The following PDE1A variants were observed in gnomAD, a reference collection of about 807,000 sequenced individuals.
PDE1A encodes the protein phosphodiesterase 1A, also known as dual specificity calcium/calmodulin-dependent 3',5'-cyclic nucleotide phosphodiesterase 1A.
PDE1A carries 35 observed loss-of-function variants against 61.7 expected under a neutral mutation model. The observed-to-expected ratio is 0.57, with a 90% CI of 0.43 to 0.75. The LOEUF is 0.75. Ranked by LOEUF, PDE1A falls within the 30% of genes least tolerant of loss-of-function variation. The probability of loss-of-function intolerance (pLI) is 0.00; values close to 1 mark genes in which losing one functional copy is unlikely to be tolerated. For synonymous variants in PDE1A, 232 were observed against 213.2 expected (o/e 1.09, Z -0.77); for missense variants, 597 against 630.6 (o/e 0.95, Z 0.57).
At chr2:182,685,947 G>C in the PDE1A span, among the ~76,000 whole-genome samples, 1 of 152,142 alleles carries the variant, frequency 6.6e-6, no homozygotes, top group Non-Finnish European at 1.5e-5. Flanking sequence ...AGTCATTAGA[G>C]CAATCTTAAT....
At chr2:182,204,976 G>A (rs1686976221) in intron 8 of PDE1A, among the ~76,000 whole-genome samples, 1 of 152,008 alleles carries the variant, frequency 6.6e-6, no homozygotes, top group African/African-American at 2.4e-5. Context: ...AGGAGATTTA[G>A]GCTTATTTTA....
chr2:182,644,115 T>A, the PDE1A span, among the ~76,000 whole-genome samples: 1 of 98,162 alleles, frequency 1.0e-5, no homozygotes, highest in Non-Finnish European at 2.3e-5. Flanking sequence ...ATACCTTCTC[T>A]CTAATCAATG....
chr2:182,439,775 T>A (rs565202103), intron 2 of PDE1A, among the ~76,000 whole-genome samples: 4 of 152,190 alleles, frequency 2.6e-5, no homozygotes, highest in South Asian at 4.1e-4. Context: ...ATTGTTTCTA[T>A]GGAAATAAAT....
In PDE1A at chr2:182,333,854, G is replaced by A. The variant is rs566871320; in HGVS notation, c.54-69440C>T. Among the ~76,000 whole-genome samples the A allele has an allele frequency of 7.9e-5, 12 of 152,104 alleles. No individual in the cohort carries two copies. In the South Asian group the frequency reaches 1.5e-3, roughly 18 times the overall value. ...CTAGCCAGACCAATAAAGAAGAAAC[G>A]AGAGAAGAATCAAACAGCCACAATA... On this transcript the variant is annotated intron_variant, in intron 1 of 13. Transcript: ENST00000351439.
chr2:182,711,978 C>CCT, the PDE1A span, among the ~76,000 whole-genome samples: 60 of 152,240 alleles, frequency 3.9e-4, no homozygotes, highest in East Asian at 5.4e-3. Flanking sequence ...CATAGAAAAG[C>CCT]CTCTCAGACA....
chr2:182,296,150 G>A (rs1329820435), intron 1 of PDE1A, among the ~76,000 whole-genome samples: 1 of 152,182 alleles, frequency 6.6e-6, no homozygotes, highest in East Asian at 1.9e-4. Context: ...TAGAGTCCAT[G>A]GAATAAGGCC....
intron 1 of PDE1A, among the ~76,000 whole-genome samples, chr2:182,412,221 T>C (rs1354564554): frequency 6.6e-6 from 1 of 152,214 alleles, no homozygotes; most frequent in Non-Finnish European, 1.5e-5. Context: ...TGCACTTCCC[T>C]GACAACTAAA....
chr2:182,684,520 G>C, the PDE1A span, among the ~76,000 whole-genome samples: 1 of 152,066 alleles, frequency 6.6e-6, no homozygotes. Context: ...TCCTGAAGAA[G>C]AAAATTCTAC....
chr2:182,432,342 C>T (rs116795655), intron 2 of PDE1A, among the ~76,000 whole-genome samples: 137 of 152,162 alleles, frequency 9.0e-4, no homozygotes, highest in African/African-American at 3.2e-3. Flanking sequence ...CTTTTCATCC[C>T]CATTGTTGTA....
the PDE1A span, among the ~76,000 whole-genome samples, chr2:182,583,926 A>G: frequency 2.0e-5 from 3 of 152,216 alleles, no homozygotes; most frequent in African/African-American, 7.2e-5. Context: ...GGAACTCAAA[A>G]TTAACAAGAA....
At chr2:182,607,478 G>A in the PDE1A span, among the ~76,000 whole-genome samples, 5 of 152,040 alleles carry the variant, frequency 3.3e-5, no homozygotes, top group African/African-American at 1.2e-4. Flanking sequence ...GAACCCCCGC[G>A]TATACCAAAA....
intron 1 of PDE1A, among the ~76,000 whole-genome samples, chr2:182,369,012 G>A (rs74931790): frequency 3.3e-5 from 5 of 150,448 alleles, no homozygotes; most frequent in Admixed American, 1.3e-4. Context: ...AGTTAGACTC[G>A]GATAAAAAAC....
At chr2:182,211,245 C>T (rs546719962) in intron 7 of PDE1A, among the ~76,000 whole-genome samples, 116 of 152,290 alleles carry the variant, frequency 7.6e-4, no homozygotes, top group Non-Finnish European at 1.6e-3. Flanking sequence ...GATGTTCAGT[C>T]GTGTTAGCAC....
At chr2:182,204,611 C>A (rs1686943174) in intron 8 of PDE1A, among the ~76,000 whole-genome samples, 1 of 152,114 alleles carries the variant, frequency 6.6e-6, no homozygotes, top group Non-Finnish European at 1.5e-5. Context: ...ATAACATTTT[C>A]TTCTCTCTAG....
At chr2:182,266,946 T>A (rs1692675988) in intron 1 of PDE1A, among the ~76,000 whole-genome samples, 2 of 152,174 alleles carry the variant, frequency 1.3e-5, no homozygotes. Flanking sequence ...CAACAAAAAT[T>A]GCATTTAAGC....
At chr2:182,487,944 AT>A (rs2125868709) in intron 2 of PDE1A, among the ~76,000 whole-genome samples, 1 of 152,322 alleles carries the variant, frequency 6.6e-6, no homozygotes, top group African/African-American at 2.4e-5. Context: ...GTCAGAAAAA[AT>A]ATCAAATAAT....
chr2:182,708,345 A>C, the PDE1A span, among the ~76,000 whole-genome samples: 1 of 152,060 alleles, frequency 6.6e-6, no homozygotes, highest in Non-Finnish European at 1.5e-5. Flanking sequence ...ATAAGTTATT[A>C]TGTTATTATG....
intron 2 of PDE1A, among the ~76,000 whole-genome samples, chr2:182,255,659 C>CTTTT (rs1303654382): frequency 2.2e-5 from 3 of 133,568 alleles, no homozygotes; most frequent in Non-Finnish European, 3.2e-5. Flanking sequence ...TCTTTCTTTT[C>CTTTT]TTTTTTTTTT....
intron 2 of PDE1A, among the ~76,000 whole-genome samples, chr2:182,450,173 C>T (rs1415365515): frequency 6.6e-6 from 1 of 151,978 alleles, no homozygotes; most frequent in Non-Finnish European, 1.5e-5. Flanking sequence ...TTTAATTACT[C>T]CTACTGCTAA....
Sources: gnomAD v4.1 joint callset for allele counts (sites outside exome capture counted in the v4.1 genomes callset) on GRCh38, gnomAD v4.1.1 for gene constraint, MANE v1.5 for transcripts, NCBI Gene and HGNC (gene_info 2026-07-23, HGNC 2026-07-21) for gene names.